HAUS7: variants seen among roughly 807,000 people sequenced by gnomAD.
HAUS7 encodes HAUS augmin-like complex subunit 7.
HAUS7 carries 3 observed loss-of-function variants against 28.4 expected under a neutral mutation model. The observed-to-expected ratio is 0.11, with a 90% CI of 0.05 to 0.27. HAUS7 has a LOEUF of 0.27. Among genes scored for constraint, HAUS7 ranks in the 10% least tolerant of loss-of-function variants. HAUS7 has a pLI of 1.00. For missense variants in HAUS7, 284 were observed against 297.3 expected, an observed-to-expected ratio of 0.96 and a Z score of 0.33; for synonymous variants, 165 against 132.1, an observed-to-expected ratio of 1.25 and a Z score of -1.71.
upstream of HAUS7, chrX:153,470,653 G>A (rs1292209203): frequency 9.1e-7 from 1 of 1,102,362 alleles, no homozygotes; most frequent in East Asian, 3.3e-5. Context: ...CCACCCGCCT[G>A]CGCCCACCCC....
intron 4 of HAUS7, among the ~76,000 whole-genome samples, chrX:153,460,625 A>G (rs948077797): frequency 1.8e-5 from 2 of 111,449 alleles, no homozygotes; most frequent in East Asian, 5.6e-4. Flanking sequence ...TTCATGACTG[A>G]CATGGCAGAT....
intron 1 of HAUS7, among the ~76,000 whole-genome samples, chrX:153,494,331 G>T (rs2089691454): frequency 8.9e-6 from 1 of 112,876 alleles, no homozygotes; most frequent in Non-Finnish European, 1.9e-5. Context: ...GGGCAGGCAA[G>T]CTGGGGAGCC....
chrX:153,482,068 C>A, intron 1 of HAUS7: 1 of 261,903 alleles, frequency 3.8e-6, no homozygotes, highest in Non-Finnish European at 5.3e-6. Context: ...CAGAGAGCAG[C>A]CAGCATGGTG....
At chrX:153,484,838 C>T (rs3020974) in intron 1 of HAUS7, among the ~76,000 whole-genome samples, 6,162 of 112,913 alleles carry the variant, frequency 0.055, 195 homozygotes, top group Non-Finnish European at 0.09. Flanking sequence ...GCCTCAGCCG[C>T]GGCCTCTCCT....
rs1556983629 is a variant in HAUS7 at position 153,462,679 on chromosome X, A to G, written c.293-8T>C. 8.4e-6 allele frequency: 10 copies of G among 1,190,792 alleles called. No individual in the cohort carries two copies. The highest frequency in any genetic ancestry group is 6.5e-5 in the Admixed American group (3 of 46,110). ...GGCCCAGCTTCGTCATTTCTGTTGA[A>G]ACACAAAGAGCCCATCATGGCAGGC... On this transcript the variant is annotated splice_region_variant and splice_polypyrimidine_tract_variant and intron_variant, in intron 3 of 9. Coordinates refer to ENST00000370211, the MANE Select transcript of HAUS7 (RefSeq NM_001385482.1).
At chrX:153,467,684 C>T (rs1684043214) in intron 2 of HAUS7, among the ~76,000 whole-genome samples, 1 of 112,732 alleles carries the variant, frequency 8.9e-6, no homozygotes, top group Non-Finnish European at 1.9e-5. Context: ...CTCCTGAGGA[C>T]ACCCAGTCAC....
intron 4 of HAUS7, among the ~76,000 whole-genome samples, chrX:153,458,143 T>C (rs1418254077): frequency 8.9e-6 from 1 of 112,882 alleles, no homozygotes; most frequent in Non-Finnish European, 1.9e-5. Context: ...GGGGCAATGA[T>C]AAGGTAAAAT....
chrX:153,454,966 G>A (rs1289872587), intron 8 of HAUS7: 6 of 1,021,678 alleles, frequency 5.9e-6, no homozygotes, highest in Middle Eastern at 2.9e-4. Flanking sequence ...TGAACATCAC[G>A]GAATCCTTGA....
chrX:153,453,012 G>A (rs962607853), intron 9 of HAUS7, among the ~76,000 whole-genome samples: 4 of 112,082 alleles, frequency 3.6e-5, no homozygotes, highest in Non-Finnish European at 5.6e-5. Flanking sequence ...AAAGACTTAC[G>A]ATGTACATAG....
At chrX:153,474,071 T>C (rs112941126), upstream of HAUS7, among the ~76,000 whole-genome samples, 1,890 of 112,413 alleles carry the variant, frequency 0.017, 34 homozygotes, top group African/African-American at 0.058. Flanking sequence ...GGCTGTAAGC[T>C]TGGGGGAGCC....
chrX:153,455,632 C>T lies in HAUS7; in HGVS notation c.840G>A (p.Leu280=). Residue 280 remains leucine, a synonymous_variant, in exon 8 of 10, where the codon CTG becomes CTA. Coordinates refer to ENST00000370211, the MANE Select transcript of HAUS7 (RefSeq NM_001385482.1). ...LAFLQVYDDE[L]GECCQRPGPD... ...GGCCTGGGCGCTGGCAGCACTCGCC[C>T]AGCTCGTCGTCGTAGACTTGGAGAA... The T allele has an allele frequency of 8.3e-7, 1 of 1,209,640 alleles. No homozygotes were observed. Among genetic ancestry groups the T allele is most frequent in the Non-Finnish European group, 1.1e-6 (1 of 893,313 alleles).
chrX:153,490,182 G>T (rs1186616370), intron 1 of HAUS7, among the ~76,000 whole-genome samples: 1 of 112,489 alleles, frequency 8.9e-6, no homozygotes, highest in Non-Finnish European at 1.9e-5. Flanking sequence ...CCCGGACTTC[G>T]GCTTCCAAGG....
At chrX:153,479,578 TGAGAGCGGGCTGGGGTGTGCTG>T (rs1349113313) in intron 1 of HAUS7, among the ~76,000 whole-genome samples, 1 of 111,368 alleles carries the variant, frequency 9.0e-6, no homozygotes, top group Non-Finnish European at 1.9e-5. Context: ...ACAGTGAGGC[TGAGAGCGGGCTGGGGTGTGCTG>T]GGGAGGAGTT....
chrX:153,466,168 C>A (rs2089452681), intron 2 of HAUS7, among the ~76,000 whole-genome samples: 1 of 112,489 alleles, frequency 8.9e-6, no homozygotes, highest in African/African-American at 3.2e-5. Context: ...TCTGCGCAAG[C>A]GGGGTTGGGG....
upstream of HAUS7, among the ~76,000 whole-genome samples, chrX:153,472,428 A>ACCACCCACCACCTG: frequency 5.8e-5 from 1 of 17,178 alleles, no homozygotes; most frequent in South Asian, 2.6e-3. Context: ...CCCACCACCC[A>ACCACCCACCACCTG]CCACCCACCA....
chrX:153,491,452 G>A (rs143148289), intron 1 of HAUS7, among the ~76,000 whole-genome samples: 1,449 of 112,738 alleles, frequency 0.013, 22 homozygotes, highest in African/African-American at 0.044. Flanking sequence ...ACTGGCCAAG[G>A]AGATGGCAGC....
rs782032085 is a variant in HAUS7 at position 153,486,792 on chromosome X, G to A, written c.-589+8582C>T. On this transcript the variant is annotated intron_variant, in intron 1 of 5. Transcript: ENST00000370210. ...GCGTGGTCCTCCAGCCCCAGCGGCGGGGGGAGGAGGGCTCCTAGTCCTGCC... is the reference window on the plus strand; with the variant it reads ...GCGTGGTCCTCCAGCCCCAGCGGCGAGGGGAGGAGGGCTCCTAGTCCTGCC... The A allele has an allele frequency of 9.0e-5, 88 of 981,067 alleles. No individual in the cohort carries two copies. In the African/African-American group the frequency reaches 1.6e-3, roughly 18 times the overall value. 80.9% of individuals were successfully genotyped at this position (981,067 alleles called of 1,213,427 possible).
intron 2 of HAUS7, among the ~76,000 whole-genome samples, chrX:153,466,827 T>C (rs1479218643): frequency 8.9e-6 from 1 of 112,544 alleles, no homozygotes; most frequent in Non-Finnish European, 1.9e-5. Flanking sequence ...TGATCGCCGA[T>C]ATGACGCTCA....
rs1269899714 is a variant in HAUS7 at position 153,461,957 on chromosome X, C to T, written c.354+653G>A. On this transcript the variant is annotated intron_variant, in intron 4 of 9. Coordinates refer to ENST00000370211, the MANE Select transcript of HAUS7 (RefSeq NM_001385482.1). ...ACATCTCACATGGATTCACTGACGT[C>T]TTATGTCTCCCTAAATCGTAGAAAA... is the stretch of plus-strand genomic sequence containing the variant. 1.1e-5 allele frequency: 5 copies of T among 439,438 alleles called. No homozygotes were observed. In the African/African-American group the frequency reaches 1.3e-4, roughly 11 times the overall value. The allele number at this position is 439,438 out of a possible 1,213,427, so 36.2% of individuals were successfully genotyped here.
Sources: allele counts gnomAD v4.1 joint callset (sites outside exome capture counted in the v4.1 genomes callset), GRCh38; gene constraint gnomAD v4.1.1; transcripts MANE v1.5; gene names NCBI Gene and HGNC (gene_info 2026-07-23, HGNC 2026-07-21).